NVL: variants seen among roughly 807,000 people sequenced by gnomAD.
NVL encodes the protein nuclear VCP like, also known as nuclear valosin-containing protein-like.
In NVL, 84 loss-of-function variants were observed where a neutral mutation model predicts 110.2. The observed-to-expected ratio is 0.76, with a 90% CI of 0.64 to 0.91. The LOEUF is 0.91. Ranked by LOEUF, NVL falls within the 40% of genes least tolerant of loss-of-function variation. NVL has a pLI of 0.00. For missense variants in NVL, 882 were observed against 1,035.9 expected (o/e 0.85, Z 2.04); for synonymous variants, 354 against 361.1 (o/e 0.98, Z 0.22).
chr1:224,283,933 G>A, intron 15 of NVL, among the ~76,000 whole-genome samples: 1 of 152,126 alleles, frequency 6.6e-6, no homozygotes. Context: ...ACAGCACTAT[G>A]GATATTTGAT....
chr1:224,280,370 G>C (rs1388177867), intron 16 of NVL, among the ~76,000 whole-genome samples: 1 of 151,922 alleles, frequency 6.6e-6, no homozygotes, highest in East Asian at 1.9e-4. Context: ...CTTTAGCTTG[G>C]TATAAAGGCC....
rs187980033 is a variant in NVL, at chr1:224,312,013, A to T, written c.285-156T>A. 164 of 605,026 alleles carry T rather than the reference A, an allele frequency of 2.7e-4. No homozygotes were observed. In the African/African-American group the frequency reaches 2.9e-3, roughly 11 times the overall value. The allele number at this position is 605,026 out of a possible 1,614,324, so 37.5% of individuals were successfully genotyped here. ...GAAACTAGGATTCAAAATCCAACTT[A>T]ACCAGTTATTACTTAACCTCTCTAA... On this transcript the variant is annotated intron_variant, in intron 4 of 22. Transcript: ENST00000281701.
At position 224,227,601 on chromosome 1, in the gene NVL, T is replaced by C; in HGVS notation, c.*25A>G. 6.2e-7 allele frequency: 1 copy of C among 1,601,702 alleles called. No individual in the cohort carries two copies. Among genetic ancestry groups the C allele is most frequent in the Non-Finnish European group, 8.5e-7 (1 of 1,171,652 alleles). On this transcript the variant is annotated 3_prime_UTR_variant, in exon 23 of 23. Coordinates refer to ENST00000281701, the MANE Select transcript of NVL (RefSeq NM_002533.4). ...TTCTCTGCCGGCTTGATGGGCTAGC[T>C]CCTCTAAGCCGGCTGCTGGAGACAT... is the stretch of plus-strand genomic sequence containing the variant.
At chr1:224,327,307 G>C (rs1437480924) in intron 1 of NVL, among the ~76,000 whole-genome samples, 3 of 152,024 alleles carry the variant, frequency 2.0e-5, no homozygotes, top group Non-Finnish European at 1.5e-5. Flanking sequence ...GCCAGACATG[G>C]TGGTGCATAC....
In NVL at chr1:224,289,747, AGGG is replaced by A; in HGVS notation, c.1326-17_1326-15del. ...GTTTGAAGTATTCTGTAGAAAAGAC[AGGG>A]GAAAAAATTTCTGATTCCTGATCTA... On this transcript the variant is annotated splice_polypyrimidine_tract_variant and intron_variant, in intron 12 of 22. Transcript: ENST00000281701. 6.3e-7 allele frequency: 1 copy of A among 1,591,348 alleles called. No homozygotes were observed. Among genetic ancestry groups the A allele is most frequent in the South Asian group, 1.1e-5 (1 of 88,436 alleles).
At chr1:224,276,567 G>A (rs1022132623) in intron 16 of NVL, among the ~76,000 whole-genome samples, 2 of 152,078 alleles carry the variant, frequency 1.3e-5, no homozygotes, top group Non-Finnish European at 2.9e-5. Context: ...TATCACCTAT[G>A]CTATTTAATG....
At chr1:224,232,590 G>T (rs1660023001) in intron 21 of NVL, among the ~76,000 whole-genome samples, 1 of 151,954 alleles carries the variant, frequency 6.6e-6, no homozygotes, top group Non-Finnish European at 1.5e-5. Flanking sequence ...AAACTCCTGG[G>T]CTCAAGCAAT....
chr1:224,231,770 T>G (rs569279748), intron 21 of NVL, among the ~76,000 whole-genome samples: 138 of 152,222 alleles, frequency 9.1e-4, no homozygotes, highest in Non-Finnish European at 1.6e-3. Context: ...CTCAGGCTTG[T>G]AATCCCAGCA....
intron 12 of NVL, among the ~76,000 whole-genome samples, chr1:224,291,268 C>T (rs189419051): frequency 1.3e-5 from 2 of 152,210 alleles, no homozygotes; most frequent in Non-Finnish European, 2.9e-5. Context: ...TGCAATGGCA[C>T]GATCTCGGCT....
intron 9 of NVL, 122 bp from the exon 10 acceptor site, chr1:224,300,785 G>A: frequency 1.5e-6 from 1 of 675,506 alleles, no homozygotes; most frequent in Middle Eastern, 3.9e-4. Context: ...TTTTTATGTT[G>A]GCCCAGTGAA....
chr1:224,263,351 G>A (rs1664169737), intron 18 of NVL, among the ~76,000 whole-genome samples: 1 of 152,150 alleles, frequency 6.6e-6, no homozygotes, highest in Non-Finnish European at 1.5e-5. Flanking sequence ...TCCAACAGAG[G>A]GCCTGGCACT....
chr1:224,310,759 TAAGG>T (rs1214487781), intron 5 of NVL, among the ~76,000 whole-genome samples: 13 of 151,280 alleles, frequency 8.6e-5, no homozygotes, highest in African/African-American at 2.9e-4. Flanking sequence ...TCTTTTGCAA[TAAGG>T]TCTGTCGCCC....
At chr1:224,227,834 CAT>C in intron 22 of NVL, 164 bp from the exon 23 acceptor site, 1 of 471,810 alleles carries the variant, frequency 2.1e-6, no homozygotes, top group Admixed American at 3.6e-5. Flanking sequence ...AAAATGAGGT[CAT>C]ACAGGTAGAC....
At chr1:224,292,826 C>G (rs1385648867) in intron 12 of NVL, among the ~76,000 whole-genome samples, 1 of 151,882 alleles carries the variant, frequency 6.6e-6, no homozygotes, top group East Asian at 1.9e-4. Flanking sequence ...CATCGGCTCA[C>G]TACAACCTCC....
chr1:224,319,442 G>A (rs1157604240), intron 2 of NVL, among the ~76,000 whole-genome samples: 3 of 151,882 alleles, frequency 2.0e-5, no homozygotes, highest in Non-Finnish European at 4.4e-5. Flanking sequence ...TGAGTAGCTG[G>A]GACTACAGGC....
chr1:224,233,894 A>G (rs549249522), intron 20 of NVL, among the ~76,000 whole-genome samples: 98 of 152,274 alleles, frequency 6.4e-4, no homozygotes, highest in Non-Finnish European at 1.3e-3. Flanking sequence ...AAGCTTATTA[A>G]AAAGTCATTT....
intron 19 of NVL, among the ~76,000 whole-genome samples, chr1:224,248,331 T>C (rs1224415113): frequency 1.3e-5 from 2 of 152,244 alleles, no homozygotes; most frequent in African/African-American, 4.8e-5. Context: ...TTTTCATTGA[T>C]GTTTCTCAGT....
At chr1:224,290,736 A>G (rs966751490) in intron 12 of NVL, among the ~76,000 whole-genome samples, 4 of 149,024 alleles carry the variant, frequency 2.7e-5, no homozygotes, top group African/African-American at 1.0e-4. Context: ...TGGGAGGCGG[A>G]GCTTGCAGTG....
chr1:224,322,725 G>T (rs999191241), intron 2 of NVL, among the ~76,000 whole-genome samples: 2 of 152,086 alleles, frequency 1.3e-5, no homozygotes, highest in Non-Finnish European at 2.9e-5. Context: ...AGAATGAGGC[G>T]GGCAGATTGC....
Sources: allele counts gnomAD v4.1 joint callset (sites outside exome capture counted in the v4.1 genomes callset), GRCh38; gene constraint gnomAD v4.1.1; transcripts MANE v1.5; gene names NCBI Gene and HGNC (gene_info 2026-07-23, HGNC 2026-07-21).